CXXC5: variants seen among roughly 807,000 people sequenced by gnomAD.
CXXC5 encodes the protein CXXC-type zinc finger protein 5.
In CXXC5, 2 loss-of-function variants were observed where a neutral mutation model predicts 17.6. The ratio of observed to expected loss-of-function variants is 0.11; its 90% CI spans 0.05 to 0.36. CXXC5 has a LOEUF of 0.36. CXXC5 is among the 10% of genes least tolerant of loss of function. The probability of loss-of-function intolerance (pLI) is 1.00; values close to 1 mark genes in which losing one functional copy is unlikely to be tolerated. For synonymous variants in CXXC5, 171 were observed against 193.0 expected (o/e 0.89, Z 0.94); for missense variants, 343 against 458.3 (o/e 0.75, Z 2.30).
chr5:139,679,817 A>G (rs1757074876), intron 1 of CXXC5: 1 of 152,354 alleles, frequency 6.6e-6, no homozygotes, highest in Non-Finnish European at 1.5e-5. Flanking sequence ...ATGTACCACC[A>G]CACCTGGTTA....
At position 139,652,137 on chromosome 5, in the gene CXXC5, C is replaced by T. The variant is rs934493976; in HGVS notation, c.-161+3292C>T. 6.1e-5 allele frequency among the ~76,000 whole-genome samples: 9 copies of T among 146,644 alleles called. No individual in the cohort carries two copies. In the South Asian group the frequency reaches 1.8e-3, roughly 29 times the overall value. ...TCTTACCCCCACCACCTGGTCCCATCCTAGCCGCCGGCGCGCGCGCGCGCG... is the reference window on the plus strand; with the variant it reads ...TCTTACCCCCACCACCTGGTCCCATTCTAGCCGCCGGCGCGCGCGCGCGCG... On this transcript the variant is annotated intron_variant, in intron 1 of 2. Transcript: ENST00000302517.
At chr5:139,669,402 G>A (rs1265010707) in intron 1 of CXXC5, among the ~76,000 whole-genome samples, 1 of 152,052 alleles carries the variant, frequency 6.6e-6, no homozygotes, top group African/African-American at 2.4e-5. Context: ...ATCACTGAGT[G>A]CTTGGGACAA....
Position 139,670,966 on chromosome 5 carries a change from C to T in CXXC5, c.-160-9398C>T, listed in dbSNP as rs1756433123. On this transcript the variant is annotated intron_variant, in intron 1 of 2. Transcript: ENST00000302517. This position sits in a 1 kb window ranked among gnomAD's most constrained non-coding sequence, Gnocchi z 4.2. ...GCTCTCGTCACCATACACACTCCAGCCCCCTGAGCCCGCTCCCAGGTGCCC... is the reference window on the plus strand; with the variant it reads ...GCTCTCGTCACCATACACACTCCAGTCCCCTGAGCCCGCTCCCAGGTGCCC... Among the ~76,000 whole-genome samples the T allele has an allele frequency of 6.6e-6, 1 of 152,266 alleles. No individual in the cohort carries two copies. The highest frequency in any genetic ancestry group is 1.5e-5 in the Non-Finnish European group (1 of 68,050).
intron 1 of CXXC5, chr5:139,649,668 TTTG>T (rs1186530976): frequency 1.3e-5 from 2 of 152,270 alleles, no homozygotes; most frequent in Non-Finnish European, 1.5e-5. Flanking sequence ...TGGGGAGTCT[TTTG>T]AGCTGTCTCC....
chr5:139,656,641 G>A (rs1280835323), intron 1 of CXXC5, among the ~76,000 whole-genome samples: 1 of 152,218 alleles, frequency 6.6e-6, no homozygotes, highest in Non-Finnish European at 1.5e-5. Flanking sequence ...TACCCCCAGT[G>A]CCTGGCACCA....
chr5:139,655,986 CG>C (rs930354688), intron 1 of CXXC5, among the ~76,000 whole-genome samples: 1 of 152,234 alleles, frequency 6.6e-6, no homozygotes, highest in African/African-American at 2.4e-5. Context: ...TGGTGGCCCC[CG>C]GGGAGCCCTG....
intron 1 of CXXC5, among the ~76,000 whole-genome samples, chr5:139,664,537 T>A (rs1022211077): frequency 6.6e-6 from 1 of 152,224 alleles, no homozygotes; most frequent in Non-Finnish European, 1.5e-5. Context: ...TTCATCGGGT[T>A]GACTTTACTA....
At position 139,670,920 on chromosome 5, in the gene CXXC5, C is replaced by T. The variant is rs963393997; in HGVS notation, c.-160-9444C>T. Among the ~76,000 whole-genome samples the T allele has an allele frequency of 2.0e-5, 3 of 152,202 alleles. No homozygotes were observed. Among genetic ancestry groups the T allele is most frequent in the African/African-American group, 7.2e-5 (3 of 41,442 alleles). On this transcript the variant is annotated intron_variant, in intron 1 of 2. Transcript: ENST00000302517. The surrounding 1 kb of genome is among the most constrained non-coding windows in gnomAD (Gnocchi z 4.2). ...GCAGCACACCTCCCAGGTAGACACG[C>T]GAAAACACACTGTATGCATTGCTCT...
At chr5:139,651,760 G>A (rs1755191368) in intron 1 of CXXC5, among the ~76,000 whole-genome samples, 1 of 152,092 alleles carries the variant, frequency 6.6e-6, no homozygotes. Flanking sequence ...GAATACGGGT[G>A]AGCCAGACCC....
intron 1 of CXXC5, among the ~76,000 whole-genome samples, chr5:139,664,577 C>T (rs1380804486): frequency 6.6e-6 from 1 of 152,182 alleles, no homozygotes; most frequent in Non-Finnish European, 1.5e-5. Context: ...GATCATTTCC[C>T]CTTTCTGGTC....
intron 1 of CXXC5, among the ~76,000 whole-genome samples, chr5:139,667,557 G>C (rs953129778): frequency 2.0e-5 from 3 of 152,176 alleles, no homozygotes; most frequent in Non-Finnish European, 4.4e-5. Flanking sequence ...TGGGTGTGGG[G>C]CCACTTGGTA....
At chr5:139,679,004 A>G (rs682164) in intron 1 of CXXC5, among the ~76,000 whole-genome samples, 52,193 of 152,174 alleles carry the variant, frequency 0.34, 9,429 homozygotes, top group Middle Eastern at 0.45. Context: ...TTAGCCTTGA[A>G]ACCTGAGTAG....
rs1487656313 is a variant in CXXC5 at position 139,661,427 on chromosome 5, C to T, written c.-161+12582C>T. On this transcript the variant is annotated intron_variant, in intron 1 of 2. Coordinates refer to ENST00000302517, the MANE Select transcript of CXXC5 (RefSeq NM_016463.9). The surrounding 1 kb of genome is among the most constrained non-coding windows in gnomAD (Gnocchi z 4.7). ...CACGACTCAGCACACCCAGCCGACA[C>T]GCGTGGTACAGACTCGGTCACATGC... Among the ~76,000 whole-genome samples, 2 of 152,204 alleles carry T rather than the reference C, an allele frequency of 1.3e-5. No homozygotes were observed. The highest frequency in any genetic ancestry group is 2.9e-5 in the Non-Finnish European group (2 of 68,024).
intron 1 of CXXC5, among the ~76,000 whole-genome samples, chr5:139,652,375 C>A (rs1755262249): frequency 6.6e-6 from 1 of 151,994 alleles, no homozygotes; most frequent in Non-Finnish European, 1.5e-5. Context: ...CACCTCCCCC[C>A]AACGCTGAGC....
chr5:139,650,615 A>G (rs952570412), intron 1 of CXXC5, among the ~76,000 whole-genome samples: 1 of 152,126 alleles, frequency 6.6e-6, no homozygotes, highest in Non-Finnish European at 1.5e-5. Flanking sequence ...CAGCTGCCCC[A>G]GGCCGCGGGG....
In CXXC5 at chr5:139,668,820, C is replaced by G. The variant is rs1159801715; in HGVS notation, c.-160-11544C>G. On this transcript the variant is annotated intron_variant, in intron 1 of 2. Transcript: ENST00000302517. This position sits in a 1 kb window ranked among gnomAD's most constrained non-coding sequence, Gnocchi z 4.1. Reference sequence around the variant, plus strand: ...CTGAGGTGTTGCACTGAGCACGGATCCAGTTCCTCTTGGCTTTGCCACAAA... The same window carrying G: ...CTGAGGTGTTGCACTGAGCACGGATGCAGTTCCTCTTGGCTTTGCCACAAA... Among the ~76,000 whole-genome samples, 5 of 152,298 alleles carry G rather than the reference C, an allele frequency of 3.3e-5. No homozygotes were observed. The highest frequency in any genetic ancestry group is 7.4e-5 in the Non-Finnish European group (5 of 68,018).
In CXXC5 at chr5:139,682,788, G is replaced by C. The variant is rs1030938458; in HGVS notation, c.925-75G>C. On this transcript the variant is annotated intron_variant, in intron 2 of 2. Coordinates refer to ENST00000302517, the MANE Select transcript of CXXC5 (RefSeq NM_016463.9). ...CCCTCCGCCATGAGGCCATCCATGG[G>C]GGAACGTCTTTGCTCCAGGCCTACC... The C allele has an allele frequency of 2.1e-6, 3 of 1,426,716 alleles. No homozygotes were observed. In the African/African-American group the frequency reaches 4.4e-5, roughly 21 times the overall value. 88.4% of individuals were successfully genotyped at this position (1,426,716 alleles called of 1,614,324 possible). A position where few individuals can be genotyped will look rare whatever the true frequency, so the allele number is the denominator to read the frequency against.
chr5:139,665,561 A>G (rs1189064102), intron 1 of CXXC5: 1 of 152,284 alleles, frequency 6.6e-6, no homozygotes, highest in African/African-American at 2.4e-5. Context: ...CCCTTACACC[A>G]CATTCCATCT....
Position 139,648,355 on chromosome 5 carries a change from G to A in CXXC5, c.-651G>A. 1 of 157,708 alleles carries A rather than the reference G, an allele frequency of 6.3e-6. No individual in the cohort carries two copies. The highest frequency in any genetic ancestry group is 1.4e-5 in the Non-Finnish European group (1 of 71,920). The allele number at this position is 157,708 out of a possible 1,614,324, so 9.8% of individuals were successfully genotyped here. On this transcript the variant is annotated 5_prime_UTR_variant, in exon 1 of 3. Transcript: ENST00000302517. ...GCCCGGGCGGGCGCGCGGCGGCGGC[G>A]GCAGAGGCGGCTGAGCCTGAGCGGG...
Sources: allele counts gnomAD v4.1 joint callset (sites outside exome capture counted in the v4.1 genomes callset), GRCh38; gene constraint gnomAD v4.1.1; non-coding constraint Gnocchi (gnomAD v3.1); transcripts MANE v1.5; gene names NCBI Gene and HGNC (gene_info 2026-07-23, HGNC 2026-07-21).